RTRAF: variants seen among roughly 807,000 people sequenced by gnomAD.
RTRAF encodes RNA transcription, translation and transport factor.
A neutral mutation model predicts 34.4 loss-of-function variants in RTRAF; 14 were observed. That is an observed-to-expected ratio of 0.41 (90% CI 0.27 to 0.64). The LOEUF is 0.64. Ranked by LOEUF, RTRAF falls within the 30% of genes least tolerant of loss-of-function variation. The pLI, the probability that RTRAF is intolerant of heterozygous loss-of-function variation, is 0.34. For synonymous variants in RTRAF, 96 were observed against 95.3 expected (o/e 1.01, Z -0.04); for missense variants, 291 against 288.4 (o/e 1.01, Z -0.06).
At position 51,993,632 on chromosome 14, in the gene RTRAF, A is replaced by C. The variant is rs572228190; in HGVS notation, c.187-91A>C. On this transcript the variant is annotated intron_variant, in intron 2 of 7. Coordinates refer to ENST00000261700, the MANE Select transcript of RTRAF (RefSeq NM_016039.3). Reference sequence around the variant, plus strand: ...GTTATTAAAAAATTGTTAGAGATCCAAACTAAGGTCTCTTTCAACTCTCCC... The same window carrying C: ...GTTATTAAAAAATTGTTAGAGATCCCAACTAAGGTCTCTTTCAACTCTCCC... The C allele has an allele frequency of 1.5e-5, 11 of 752,632 alleles. No individual in the cohort carries two copies. The East Asian group carries it at 3.0e-4, about 20-fold the overall frequency. The allele number at this position is 752,632 out of a possible 1,614,324, so 46.6% of individuals were successfully genotyped here.
Position 51,993,797 on chromosome 14 carries a change from T to A in RTRAF, c.261T>A (p.Ala87=). The A allele has an allele frequency of 6.3e-7, 1 of 1,595,546 alleles. No individual in the cohort carries two copies. The highest frequency in any genetic ancestry group is 8.5e-7 in the Non-Finnish European group (1 of 1,169,660). The part of the protein sequence containing the change: ...QEAIDWLLGL[A]VRLEYGDNAE... ...CTATTGACTGGCTTCTTGGTTTAGC[T>A]GTTAGACTTGAATATGGAGATAATG... Residue 87 remains alanine (A), a synonymous_variant, in exon 3 of 8, where the codon GCT becomes GCA. Transcript: ENST00000261700.
Position 52,006,780 on chromosome 14 carries a change from CAT to C in RTRAF, c.*2266_*2267del. On this transcript the variant is annotated 3_prime_UTR_variant, in exon 8 of 8. Transcript: ENST00000261700. ...TAGGATATTTTACTTCCATTACAGT[CAT>C]AGATTAGCAACTGTAAAATTACCTG... The C allele has an allele frequency of 9.5e-7, 1 of 1,056,410 alleles. No homozygotes were observed. Among genetic ancestry groups the C allele is most frequent in the Non-Finnish European group, 1.4e-6 (1 of 723,722 alleles). The allele number at this position is 1,056,410 out of a possible 1,614,324, so 65.4% of individuals were successfully genotyped here.
intron 4 of RTRAF, 41 bp from the exon 5 acceptor site, chr14:51,999,667 T>G (rs758423098): frequency 7.5e-7 from 1 of 1,336,200 alleles, no homozygotes; most frequent in Admixed American, 1.8e-5. Flanking sequence ...ATTATACGTT[T>G]GCAGGGTTGT....
intron 5 of RTRAF, among the ~76,000 whole-genome samples, chr14:52,001,026 G>A (rs181980560): frequency 5.9e-5 from 9 of 152,258 alleles, no homozygotes; most frequent in East Asian, 5.8e-4. Context: ...ATCTTAGTAC[G>A]TTTGCCAAGT....
rs756997005 is a variant in RTRAF at position 51,989,657 on chromosome 14, G to C, written c.18G>C (p.Leu6Phe). The C allele has an allele frequency of 1.9e-6, 3 of 1,606,540 alleles. No homozygotes were observed. The Admixed American group carries it at 5.0e-5, about 27-fold the overall frequency. Residue 6 changes from leucine to phenylalanine, a missense_variant, in exon 1 of 8, where the codon TTG (leucine) becomes TTC (phenylalanine). Leu to Phe is a conservative substitution (Grantham distance 22). Transcript: ENST00000261700. ...CGGGGACCATGTTCCGACGCAAGTT[G>C]ACGGCTCTCGACTACCACAACCCCG... MFRRK[L>F]TALDYHNPAG...
Position 52,008,770 on chromosome 14 carries a change from A to G in RTRAF, c.*4254A>G, listed in dbSNP as rs1890891853. On this transcript the variant is annotated 3_prime_UTR_variant, in exon 8 of 8. Transcript: ENST00000261700. ...GCTTCGATACAAACTATGGAACTTGAAGAGATGTGGACCAGGGATTTGAGA... is the reference window on the plus strand; with the variant it reads ...GCTTCGATACAAACTATGGAACTTGGAGAGATGTGGACCAGGGATTTGAGA... The G allele has an allele frequency of 6.6e-6, 1 of 152,202 alleles. No individual in the cohort carries two copies. Among genetic ancestry groups the G allele is most frequent in the Non-Finnish European group, 1.5e-5 (1 of 68,034 alleles). The allele number at this position is 152,202 out of a possible 1,614,324, so 9.4% of individuals were successfully genotyped here.
rs1890393960 is a variant in RTRAF at position 51,989,702 on chromosome 14, T to G, written c.61+2T>G. 1 of 1,599,536 alleles carries G rather than the reference T, an allele frequency of 6.3e-7. No individual in the cohort carries two copies. The highest frequency in any genetic ancestry group is 8.5e-7 in the Non-Finnish European group (1 of 1,173,860). ...ACCCCGCCGGCTTCAACTGCAAAGG[T>G]GAGGCGGCGGCCTCAGCCCGGCCGC... On this transcript the variant is annotated splice_donor_variant, in intron 1 of 7. Coordinates refer to ENST00000261700, the MANE Select transcript of RTRAF (RefSeq NM_016039.3). LOFTEE classifies it high-confidence loss of function.
chr14:52,003,594 G>A (rs1347104848), intron 6 of RTRAF, among the ~76,000 whole-genome samples: 1 of 152,116 alleles, frequency 6.6e-6, no homozygotes, highest in Admixed American at 6.6e-5. Context: ...GTGAAGTTTG[G>A]CATCACCATA....
chr14:52,007,655 T>G lies in RTRAF; in HGVS notation c.*3139T>G. 1.4e-6 allele frequency: 1 copy of G among 712,034 alleles called. No individual in the cohort carries two copies. Among genetic ancestry groups the G allele is most frequent in the Non-Finnish European group, 2.4e-6 (1 of 418,818 alleles). 44.1% of individuals were successfully genotyped at this position (712,034 alleles called of 1,614,324 possible). A position where few individuals can be genotyped will look rare whatever the true frequency, so the allele number is the denominator to read the frequency against. On this transcript the variant is annotated 3_prime_UTR_variant, in exon 8 of 8. Transcript: ENST00000261700. ...AACCCCAGAAAGTTCATTTTAAGAC[T>G]CATTTACTAGTACTTAAATTTACTA...
Position 51,998,562 on chromosome 14 carries a change from C to A in RTRAF, c.355C>A (p.Pro119Thr), listed in dbSNP as rs1594986779. The A allele has an allele frequency of 1.9e-6, 3 of 1,591,222 alleles. No individual in the cohort carries two copies. Among genetic ancestry groups the A allele is most frequent in the South Asian group, 2.3e-5 (2 of 88,322 alleles). The change falls in exon 4 of 8, where the codon CCA (proline) becomes ACA (threonine). Residue 119 changes from proline (P) to threonine (T), a missense_variant. Physicochemically the swap from Pro to Thr is conservative, Grantham distance 38. Transcript: ENST00000261700. The stretch of plus-strand genomic sequence containing the variant: ...TGACAATGCAACTAAAAATGCAGAA[C>A]CATTGATCAATTTGGATGGTGAGTA... ...TADNATKNAE[P>T]LINLDVNNPD...
chr14:52,006,564 T>TCTG lies in RTRAF; in HGVS notation c.*2050_*2052dup. ...CCTCCAGTCTGTGTGGTAGAAGTGA[T>TCTG]CTGCATAGCTTACGATGCTGAAGGG... On this transcript the variant is annotated 3_prime_UTR_variant, in exon 8 of 8. Transcript: ENST00000261700. The TCTG allele has an allele frequency of 6.2e-7, 1 of 1,613,816 alleles. No homozygotes were observed. The highest frequency in any genetic ancestry group is 1.3e-5 in the African/African-American group (1 of 75,024).
Position 52,005,837 on chromosome 14 carries a change from T to C in RTRAF, c.*1321T>C, listed in dbSNP as rs1477322347. The C allele has an allele frequency of 1.2e-6, 2 of 1,609,126 alleles. No individual in the cohort carries two copies. The highest frequency in any genetic ancestry group is 1.7e-6 in the Non-Finnish European group (2 of 1,175,466). ...ACTGGCCACTATGTTTATTTACTGA[T>C]ACAACACCATCCCTGGTAACAGAAA... is the stretch of plus-strand genomic sequence containing the variant. On this transcript the variant is annotated 3_prime_UTR_variant, in exon 8 of 8. Coordinates refer to ENST00000261700, the MANE Select transcript of RTRAF (RefSeq NM_016039.3).
At position 52,007,178 on chromosome 14, in the gene RTRAF, C is replaced by T. The variant is rs1890819133; in HGVS notation, c.*2662C>T. 1 of 153,482 alleles carries T rather than the reference C, an allele frequency of 6.5e-6. No individual in the cohort carries two copies. Among genetic ancestry groups the T allele is most frequent in the African/African-American group, 2.4e-5 (1 of 41,456 alleles). The allele number at this position is 153,482 out of a possible 1,614,324, so 9.5% of individuals were successfully genotyped here. On this transcript the variant is annotated 3_prime_UTR_variant, in exon 8 of 8. Coordinates refer to ENST00000261700, the MANE Select transcript of RTRAF (RefSeq NM_016039.3). The stretch of plus-strand genomic sequence containing the variant: ...AAACCATTCAAGAATTTCCAAGTTT[C>T]ACATTTCTCATGGAGCCGATTTAAA...
At position 51,989,617 on chromosome 14, in the gene RTRAF, G is replaced by T. The variant is rs762326444; in HGVS notation, c.-23G>T. The T allele has an allele frequency of 1.9e-6, 3 of 1,593,678 alleles. No individual in the cohort carries two copies. The highest frequency in any genetic ancestry group is 2.3e-5 in the East Asian group (1 of 43,130). On this transcript the variant is annotated 5_prime_UTR_variant, in exon 1 of 8. Coordinates refer to ENST00000261700, the MANE Select transcript of RTRAF (RefSeq NM_016039.3). ...CTTCTCTCCCGGCCGAGGCCCGGGG[G>T]ACCAGAGCGAGAAGCGGGGACCATG...
chr14:51,999,392 G>A, intron 4 of RTRAF: 1 of 212,642 alleles, frequency 4.7e-6, no homozygotes, highest in Non-Finnish European at 9.3e-6. Context: ...TGGAACCACT[G>A]TAAGTTCAGA....
At position 51,999,911 on chromosome 14, in the gene RTRAF, A is replaced by G. The variant is rs189271223; in HGVS notation, c.462+115A>G. On this transcript the variant is annotated intron_variant, in intron 5 of 7. Transcript: ENST00000261700. Reference sequence around the variant, plus strand: ...ATGGTTGAATGACTAAAATACACAGAAGAATATGAAACATAAAGTAGATTT... The same window carrying G: ...ATGGTTGAATGACTAAAATACACAGGAGAATATGAAACATAAAGTAGATTT... 8.4e-3 allele frequency: 5,631 copies of G among 669,700 alleles called. 37 individuals carry two copies. Among genetic ancestry groups the G allele is most frequent in the Middle Eastern group, 0.023 (70 of 3,064 alleles). 41.5% of individuals were successfully genotyped at this position (669,700 alleles called of 1,614,324 possible). A position where few individuals can be genotyped will look rare whatever the true frequency, so the allele number is the denominator to read the frequency against.
Position 52,007,148 on chromosome 14 carries a change from T to C in RTRAF, c.*2632T>C, listed in dbSNP as rs2140339310. The C allele has an allele frequency of 6.5e-6, 1 of 154,122 alleles. No homozygotes were observed. Among genetic ancestry groups the C allele is most frequent in the East Asian group, 1.9e-4 (1 of 5,220 alleles). 9.5% of individuals were successfully genotyped at this position (154,122 alleles called of 1,614,324 possible). On this transcript the variant is annotated 3_prime_UTR_variant, in exon 8 of 8. Transcript: ENST00000261700. ...GAATCAGTCTTAAAAATTTTTACAATAGCTAAACCATTCAAGAATTTCCAA... is the reference window on the plus strand; with the variant it reads ...GAATCAGTCTTAAAAATTTTTACAACAGCTAAACCATTCAAGAATTTCCAA...
In RTRAF at chr14:52,005,740, T is replaced by G. The variant is rs1423997363; in HGVS notation, c.*1224T>G. On this transcript the variant is annotated 3_prime_UTR_variant, in exon 8 of 8. Transcript: ENST00000261700. ...CATCCTAAAGCATACTTTTTACCTG[T>G]TGGGCAGTAGGGGTAGACTGCAGTT... 2 of 1,610,832 alleles carry G rather than the reference T, an allele frequency of 1.2e-6. No homozygotes were observed. The highest frequency in any genetic ancestry group is 1.7e-6 in the Non-Finnish European group (2 of 1,176,960).
intron 3 of RTRAF, among the ~76,000 whole-genome samples, chr14:51,995,522 A>G (rs1186508537): frequency 1.3e-5 from 2 of 152,170 alleles, no homozygotes; most frequent in Non-Finnish European, 2.9e-5. Context: ...AAATCTTGCC[A>G]TGTAAGGTAA....
Sources: gnomAD v4.1 joint callset for allele counts (sites outside exome capture counted in the v4.1 genomes callset) on GRCh38, gnomAD v4.1.1 for gene constraint, MANE v1.5 for transcripts, NCBI Gene and HGNC (gene_info 2026-07-23, HGNC 2026-07-21) for gene names.